The following L3MBTL4 variants were observed in gnomAD, a reference collection of about 807,000 sequenced individuals.
The protein encoded by L3MBTL4 is L3MBTL histone methyl-lysine binding protein 4.
L3MBTL4 carries 70 observed loss-of-function variants against 84.5 expected under a neutral mutation model. That is an observed-to-expected ratio of 0.83 (90% CI 0.68 to 1.01). The LOEUF (loss-of-function observed/expected upper bound fraction) is 1.01, where lower values mean the gene tolerates loss of function less well. Ranked by LOEUF, L3MBTL4 falls within the 50% of genes least tolerant of loss-of-function variation. The pLI, the probability that L3MBTL4 is intolerant of heterozygous loss-of-function variation, is 0.00. For synonymous variants in L3MBTL4, 274 were observed against 259.8 expected (o/e 1.05, Z -0.52); for missense variants, 715 against 754.8 (o/e 0.95, Z 0.62).
rs754030149 is a variant in L3MBTL4, at chr18:6,243,477, G to C, written c.325-48C>G. On this transcript the variant is annotated intron_variant, in intron 6 of 18. Coordinates refer to ENST00000317931, the MANE Select transcript of L3MBTL4 (RefSeq NM_001330559.2). ...TCATTCGTTAAGTGTCATATATTTG[G>C]AGTAGACACAAAATTCACAAAATAT... 8.8e-6 allele frequency: 13 copies of C among 1,470,748 alleles called. No homozygotes were observed. The East Asian group carries it at 2.5e-4, about 28-fold the overall frequency. 91.1% of individuals were successfully genotyped at this position (1,470,748 alleles called of 1,614,324 possible).
At chr18:6,254,885 C>T (rs1272256268) in intron 5 of L3MBTL4, among the ~76,000 whole-genome samples, 1 of 152,110 alleles carries the variant, frequency 6.6e-6, no homozygotes, top group African/African-American at 2.4e-5. Flanking sequence ...AAAGCACGTA[C>T]CGGAGCAGAT....
intron 1 of L3MBTL4, among the ~76,000 whole-genome samples, chr18:6,370,708 C>T (rs2054125446): frequency 1.3e-5 from 2 of 152,064 alleles, no homozygotes; most frequent in African/African-American, 2.4e-5. Flanking sequence ...GAGACTGAGC[C>T]GGGAGGTAGA....
At chr18:6,035,265 G>A (rs1301406618) in intron 16 of L3MBTL4, among the ~76,000 whole-genome samples, 1 of 152,010 alleles carries the variant, frequency 6.6e-6, no homozygotes. Context: ...TTTCTTCTAG[G>A]GTTTTTATGG....
At chr18:6,255,961 G>C (rs1162945512) in intron 5 of L3MBTL4, among the ~76,000 whole-genome samples, 1 of 152,154 alleles carries the variant, frequency 6.6e-6, no homozygotes, top group Non-Finnish European at 1.5e-5. Context: ...AATATTTAAA[G>C]TACTAAGAAG....
intron 12 of L3MBTL4, among the ~76,000 whole-genome samples, chr18:6,192,384 AG>A (rs1419051299): frequency 6.6e-6 from 1 of 152,158 alleles, no homozygotes; most frequent in African/African-American, 2.4e-5. Context: ...CATGTAGATA[AG>A]GGGGTGCTTC....
intron 16 of L3MBTL4, among the ~76,000 whole-genome samples, chr18:6,027,418 T>G (rs959354941): frequency 1.3e-5 from 2 of 152,260 alleles, no homozygotes; most frequent in Non-Finnish European, 2.9e-5. Context: ...TGCCACATTT[T>G]CTTTGTCCAG....
intron 13 of L3MBTL4, among the ~76,000 whole-genome samples, chr18:6,151,825 A>C (rs79340145): frequency 0.016 from 2,407 of 152,354 alleles, 60 homozygotes; most frequent in African/African-American, 0.055. Context: ...GCTGTACATA[A>C]TATTCCTGGA....
In L3MBTL4 at chr18:6,213,182, A is replaced by G; in HGVS notation, c.948T>C (p.Ala316=). The part of the protein sequence containing the change: ...DKRNPRLIRV[A]TIVDVDDQRV... ...TTTGGTCATCAACATCTACAATCGT[A>G]GCAACACGAATTAACCTGGGGTTCC... Residue 316 remains alanine, a synonymous_variant, in exon 12 of 19, where the codon GCT becomes GCC. Coordinates refer to ENST00000317931, the MANE Select transcript of L3MBTL4 (RefSeq NM_001330559.2). 2 of 1,607,824 alleles carry G rather than the reference A, an allele frequency of 1.2e-6. No individual in the cohort carries two copies. Among genetic ancestry groups the G allele is most frequent in the Non-Finnish European group, 1.7e-6 (2 of 1,177,528 alleles).
At chr18:6,319,868 G>A (rs888726739) in intron 1 of L3MBTL4, among the ~76,000 whole-genome samples, 1 of 152,024 alleles carries the variant, frequency 6.6e-6, no homozygotes, top group South Asian at 2.1e-4. Context: ...CAATATCCCT[G>A]ATGAACATAG....
intron 16 of L3MBTL4, among the ~76,000 whole-genome samples, chr18:6,002,351 G>C (rs2054251110): frequency 6.6e-6 from 1 of 152,128 alleles, no homozygotes. Context: ...GAAGGCATAT[G>C]AGAATATAAA....
intron 16 of L3MBTL4, among the ~76,000 whole-genome samples, chr18:6,032,466 T>C (rs555934975): frequency 1.3e-4 from 20 of 151,674 alleles, no homozygotes; most frequent in Admixed American, 5.9e-4. Context: ...GACCACGGGT[T>C]GTGATTGTGG....
intron 1 of L3MBTL4, among the ~76,000 whole-genome samples, chr18:6,350,294 C>A (rs1252050671): frequency 6.6e-6 from 1 of 151,964 alleles, no homozygotes; most frequent in Non-Finnish European, 1.5e-5. Flanking sequence ...GAGAACAATA[C>A]CAAGAGAGTG....
At chr18:6,096,180 A>G (rs138421309) in intron 14 of L3MBTL4, among the ~76,000 whole-genome samples, 31 of 152,242 alleles carry the variant, frequency 2.0e-4, no homozygotes, top group African/African-American at 7.2e-4. Flanking sequence ...GTAGACAGCT[A>G]CCACAGACCC....
chr18:6,027,113 C>A (rs1419930282), intron 16 of L3MBTL4, among the ~76,000 whole-genome samples: 1 of 152,088 alleles, frequency 6.6e-6, no homozygotes, highest in Non-Finnish European at 1.5e-5. Flanking sequence ...TGGTTTGCTG[C>A]ACCAATCAAT....
At chr18:6,186,125 G>C (rs2044748284) in intron 12 of L3MBTL4, among the ~76,000 whole-genome samples, 1 of 151,924 alleles carries the variant, frequency 6.6e-6, no homozygotes, top group Admixed American at 6.6e-5. Flanking sequence ...CAATTCTCCT[G>C]CCTCAGCCTC....
intron 13 of L3MBTL4, among the ~76,000 whole-genome samples, chr18:6,170,075 G>A (rs373133900): frequency 1.1e-4 from 16 of 152,162 alleles, no homozygotes; most frequent in Admixed American, 5.2e-4. Flanking sequence ...AAATTCATGC[G>A]ATAGATATTA....
intron 13 of L3MBTL4, among the ~76,000 whole-genome samples, chr18:6,160,750 A>AT (rs1030689172): frequency 6.6e-6 from 1 of 151,132 alleles, no homozygotes; most frequent in African/African-American, 2.4e-5. Context: ...AAAAAAAAAA[A>AT]GCACGGAGTT....
At chr18:6,369,153 G>A (rs763049752) in intron 1 of L3MBTL4, among the ~76,000 whole-genome samples, 14 of 152,126 alleles carry the variant, frequency 9.2e-5, no homozygotes, top group Non-Finnish European at 2.1e-4. Flanking sequence ...CTGGAGAAGC[G>A]GGGCTACAGC....
intron 16 of L3MBTL4, among the ~76,000 whole-genome samples, chr18:6,012,969 A>G (rs1430017264): frequency 6.6e-6 from 1 of 151,958 alleles, no homozygotes; most frequent in Non-Finnish European, 1.5e-5. Context: ...TTTCTTCTCC[A>G]AGGGGCAGCC....
Sources: gnomAD v4.1 joint callset for allele counts (sites outside exome capture counted in the v4.1 genomes callset) on GRCh38, gnomAD v4.1.1 for gene constraint, MANE v1.5 for transcripts, NCBI Gene and HGNC (gene_info 2026-07-23, HGNC 2026-07-21) for gene names.